Variants in ANKRD17 observed in about 807,000 individuals in gnomAD.
ANKRD17 encodes ankyrin repeat domain-containing protein 17.
Under a neutral mutation model 229.7 loss-of-function variants are expected in ANKRD17, and 19 were observed. The observed-to-expected ratio is 0.08, with a 90% CI of 0.06 to 0.12. ANKRD17 has a LOEUF of 0.12. ANKRD17 is among the 10% of genes least tolerant of loss of function. The probability of loss-of-function intolerance (pLI) is 1.00; values close to 1 mark genes in which losing one functional copy is unlikely to be tolerated. For missense variants in ANKRD17, 2,176 were observed against 3,176.8 expected (o/e 0.68, Z 7.57); for synonymous variants, 1,112 against 1,146.1 (o/e 0.97, Z 0.60).
intron 24 of ANKRD17, chr4:73,113,046 C>G: frequency 1.3e-5 from 14 of 1,101,490 alleles, no homozygotes; most frequent in Non-Finnish European, 1.6e-5. Context: ...CCTCGGCCTC[C>G]CAAAGTGCTG....
chr4:73,189,640 T>C (rs1175472328), intron 1 of ANKRD17, among the ~76,000 whole-genome samples: 1 of 152,186 alleles, frequency 6.6e-6, no homozygotes, highest in African/African-American at 2.4e-5. Flanking sequence ...GGAATGCTTT[T>C]CCCAACCCTT....
chr4:73,228,165 A>C (rs985097054), intron 1 of ANKRD17, among the ~76,000 whole-genome samples: 9 of 152,174 alleles, frequency 5.9e-5, no homozygotes, highest in Non-Finnish European at 1.3e-4. Flanking sequence ...TAAGTATGAA[A>C]CCCAAGTGTG....
At chr4:73,222,824 T>G (rs1742034823) in intron 1 of ANKRD17, 4 of 628,592 alleles carry the variant, frequency 6.4e-6, no homozygotes, top group South Asian at 3.9e-5. Flanking sequence ...TGAAACATTC[T>G]CACACGGAAT....
chr4:73,244,339 CT>C (rs1744300935), intron 1 of ANKRD17, among the ~76,000 whole-genome samples: 1 of 152,064 alleles, frequency 6.6e-6, no homozygotes, highest in South Asian at 2.1e-4. Context: ...CACAGTAGAT[CT>C]TGTAGATGAA....
At chr4:73,121,489 C>G in intron 19 of ANKRD17, 128 bp downstream of exon 19, 1 of 1,161,386 alleles carries the variant, frequency 8.6e-7, no homozygotes, top group South Asian at 1.3e-5. Context: ...TCAAAAATCT[C>G]TAACACTTTG....
At chr4:73,144,045 CTTTCT>C (rs577324030) in intron 11 of ANKRD17, among the ~76,000 whole-genome samples, 33 of 152,262 alleles carry the variant, frequency 2.2e-4, no homozygotes, top group South Asian at 2.1e-3. Flanking sequence ...CTGGCTTCCT[CTTTCT>C]TTTATCAATG....
rs192974224 is a variant in ANKRD17, at chr4:73,147,485, T to A, written c.1568-53A>T. On this transcript the variant is annotated intron_variant, in intron 8 of 33. Coordinates refer to ENST00000358602, the MANE Select transcript of ANKRD17 (RefSeq NM_032217.5). ...GAAAGTCATTAACTTATTCCAGAGA[T>A]ATGAAAAACATGATTGTTTCTTAAT... The A allele has an allele frequency of 5.2e-4, 687 of 1,320,872 alleles. 1 individual carries two copies. The highest frequency in any genetic ancestry group is 2.5e-3 in the Middle Eastern group (12 of 4,736). The allele number at this position is 1,320,872 out of a possible 1,614,324, so 81.8% of individuals were successfully genotyped here. A position where few individuals can be genotyped will look rare whatever the true frequency, so the allele number is the denominator to read the frequency against.
At chr4:73,155,483 C>T in intron 5 of ANKRD17, 148 bp downstream of exon 5, 3 of 838,054 alleles carry the variant, frequency 3.6e-6, no homozygotes, top group Non-Finnish European at 5.5e-6. Flanking sequence ...ATTCTATATA[C>T]TTCAAAACTC....
At position 73,163,806 on chromosome 4, in the gene ANKRD17, G is replaced by A. The variant is rs76989104; in HGVS notation, c.548-2458C>T. Among the ~76,000 whole-genome samples, 401 of 152,054 alleles carry A rather than the reference G, an allele frequency of 2.6e-3. 19 individuals carry two copies. The East Asian group carries it at 0.074, about 28-fold the overall frequency. On this transcript the variant is annotated intron_variant, in intron 2 of 33. Transcript: ENST00000358602. ...TTTAAAATATTTTTTTTCTGTTGCC[G>A]TCCTGAATGATTTTTAGATTAGTAC...
chr4:73,254,968 A>G (rs1227049977), intron 1 of ANKRD17, among the ~76,000 whole-genome samples: 1 of 152,176 alleles, frequency 6.6e-6, no homozygotes. Context: ...GTTAGAAAAT[A>G]TATTTGTATT....
chr4:73,083,413 T>C (rs1721770765), intron 30 of ANKRD17, among the ~76,000 whole-genome samples: 1 of 152,166 alleles, frequency 6.6e-6, no homozygotes, highest in African/African-American at 2.4e-5. Flanking sequence ...CTGCACCTTA[T>C]TTACAAATGG....
At chr4:73,097,387 A>C in intron 26 of ANKRD17, 115 bp from the exon 27 acceptor site, 1 of 882,442 alleles carries the variant, frequency 1.1e-6, no homozygotes, top group Non-Finnish European at 1.6e-6. Flanking sequence ...ACAAATGACG[A>C]CCTTATTTTT....
rs529300321 is a variant in ANKRD17 at position 73,191,919 on chromosome 4, G to A, written c.394-14386C>T. On this transcript the variant is annotated intron_variant, in intron 1 of 33. Coordinates refer to ENST00000358602, the MANE Select transcript of ANKRD17 (RefSeq NM_032217.5). ...CTTGCACATGTAAGCAACCAACTAC[G>A]TATATGGAAGTTCTTTTTATTTTAA... 1.1e-3 allele frequency among the ~76,000 whole-genome samples: 160 copies of A among 152,010 alleles called. 1 individual carries two copies. Among genetic ancestry groups the A allele is most frequent in the South Asian group, 1.5e-3 (7 of 4,812 alleles).
At chr4:73,205,802 T>C (rs1739361793) in intron 1 of ANKRD17, among the ~76,000 whole-genome samples, 1 of 152,146 alleles carries the variant, frequency 6.6e-6, no homozygotes, top group African/African-American at 2.4e-5. Context: ...AGTGAGGAGA[T>C]AAATCTATGA....
At chr4:73,223,951 C>T (rs1024245950) in intron 1 of ANKRD17, among the ~76,000 whole-genome samples, 1 of 151,940 alleles carries the variant, frequency 6.6e-6, no homozygotes, top group Admixed American at 6.6e-5. Flanking sequence ...TGAAAAAATG[C>T]ACTGAAAAAG....
chr4:73,147,301 G>C lies in ANKRD17; in HGVS notation c.1699C>G (p.Pro567Ala). 5 of 1,606,330 alleles carry C rather than the reference G, an allele frequency of 3.1e-6. No individual in the cohort carries two copies. The highest frequency in any genetic ancestry group is 1.7e-4 in the Middle Eastern group (1 of 6,032). The change falls in exon 9 of 34, where the codon CCT (proline) becomes GCT (alanine). Residue 567 changes from proline (P) to alanine (A), a missense_variant. By Grantham distance (27) the Pro-to-Ala change is conservative. Around this residue, in one of 18 missense-constraint regions of ANKRD17, gnomAD observed 275 missense variants for 386.9 expected, o/e 0.71. Coordinates refer to ENST00000358602, the MANE Select transcript of ANKRD17 (RefSeq NM_032217.5). ...GADIELGCSTPLMEAAQEGHL... is the reference protein window; with the variant it reads ...GADIELGCSTALMEAAQEGHL... Reference sequence around the variant, plus strand: ...CCCTCTTGAGCAGCTTCCATTAAAGGGGTAGAACACCCTAGTTCTATATCG... The same window carrying C: ...CCCTCTTGAGCAGCTTCCATTAAAGCGGTAGAACACCCTAGTTCTATATCG...
rs746190473 is a variant in ANKRD17, at chr4:73,073,918, A to G, written c.*2313T>C. 1.1e-4 allele frequency: 16 copies of G among 152,218 alleles called. No homozygotes were observed. The highest frequency in any genetic ancestry group is 2.2e-4 in the Non-Finnish European group (15 of 67,896). 9.4% of individuals were successfully genotyped at this position (152,218 alleles called of 1,614,324 possible). On this transcript the variant is annotated 3_prime_UTR_variant, in exon 34 of 34. Coordinates refer to ENST00000358602, the MANE Select transcript of ANKRD17 (RefSeq NM_032217.5). ...TTCTTAAAACAATGATGTAGTCTGC[A>G]TATACACATACCACATATTTTCAAA...
At position 73,113,731 on chromosome 4, in the gene ANKRD17, A is replaced by G. The variant is rs1194368165; in HGVS notation, c.4401+61T>C. On this transcript the variant is annotated intron_variant, in intron 24 of 33. Coordinates refer to ENST00000358602, the MANE Select transcript of ANKRD17 (RefSeq NM_032217.5). ...AAACAAAAAGACGGATTACAAATCA[A>G]AAGAAGAGAAAACAAGATGGAAAAA... 3.3e-6 allele frequency: 4 copies of G among 1,226,580 alleles called. No homozygotes were observed. The East Asian group carries it at 9.3e-5, about 29-fold the overall frequency. 76.0% of individuals were successfully genotyped at this position (1,226,580 alleles called of 1,614,324 possible). A position where few individuals can be genotyped will look rare whatever the true frequency, so the allele number is the denominator to read the frequency against.
Position 73,258,554 on chromosome 4 carries a change from C to A in ANKRD17, c.115G>T (p.Val39Phe). 2 of 1,470,504 alleles carry A rather than the reference C, an allele frequency of 1.4e-6. No homozygotes were observed. Among genetic ancestry groups the A allele is most frequent in the Non-Finnish European group, 1.8e-6 (2 of 1,121,014 alleles). 91.1% of individuals were successfully genotyped at this position (1,470,504 alleles called of 1,614,324 possible). The change falls in exon 1 of 34, where the codon GTT (valine) becomes TTT (phenylalanine). Residue 39 changes from valine (V) to phenylalanine (F), a missense_variant. By Grantham distance (50) the Val-to-Phe change is conservative. Transcript: ENST00000358602. Reference sequence around the variant, plus strand: ...GAGCGAGCTCTGCTGCTGCCGCCAACGCCGCCGCCGACCTCCGCCGCCGCG... The same window carrying A: ...GAGCGAGCTCTGCTGCTGCCGCCAAAGCCGCCGCCGACCTCCGCCGCCGCG... Reference protein sequence around the residue: ...PPAAAEVGGGVGGSSRARSAS... With the variant: ...PPAAAEVGGGFGGSSRARSAS...
Sources: gnomAD v4.1 joint callset for allele counts (sites outside exome capture counted in the v4.1 genomes callset) on GRCh38, gnomAD v4.1.1 for gene constraint, gnomAD v4.1.1 regional missense constraint, MANE v1.5 for transcripts, NCBI Gene and HGNC (gene_info 2026-07-23, HGNC 2026-07-21) for gene names.